The following APOO variants were observed in gnomAD, a reference collection of about 807,000 sequenced individuals.
The protein encoded by APOO is MICOS complex subunit MIC26.
APOO carries 11 observed loss-of-function variants against 23.1 expected under a neutral mutation model. That is an observed-to-expected ratio of 0.48 (90% CI 0.30 to 0.79). The LOEUF (loss-of-function observed/expected upper bound fraction) is 0.79, where lower values mean the gene tolerates loss of function less well. APOO is among the 30% of genes least tolerant of loss of function. The pLI, the probability that APOO is intolerant of heterozygous loss-of-function variation, is 0.07. For missense variants in APOO, 160 were observed against 142.7 expected (o/e 1.12, Z -0.62); for synonymous variants, 59 against 54.8 (o/e 1.08, Z -0.34).
At chrX:23,840,153 TA>T (rs1244783895) in intron 8 of APOO, 159 bp downstream of exon 8, 2 of 331,051 alleles carry the variant, frequency 6.0e-6, no homozygotes, top group Non-Finnish European at 1.0e-5. Context: ...CACAAATAAG[TA>T]AGTCACAGCA....
chrX:23,900,690 A>G (rs1004160130), intron 1 of APOO, among the ~76,000 whole-genome samples: 1 of 108,669 alleles, frequency 9.2e-6, no homozygotes, highest in Non-Finnish European at 1.9e-5. Context: ...AAAAAAAAAA[A>G]AAAAAGAAAT....
At chrX:23,883,805 C>T (rs899460809) in intron 1 of APOO, 5 of 112,026 alleles carry the variant, frequency 4.5e-5, no homozygotes, top group Non-Finnish European at 9.4e-5. Context: ...CTCCCCACGA[C>T]CTGCCCATCT....
chrX:23,885,713 C>G (rs1421143723), intron 1 of APOO, among the ~76,000 whole-genome samples: 2 of 110,463 alleles, frequency 1.8e-5, no homozygotes, highest in East Asian at 5.7e-4. Context: ...AAACTGTTTT[C>G]TTCTTCTTCC....
At chrX:23,869,645 A>AG (rs1925510424) in intron 4 of APOO, among the ~76,000 whole-genome samples, 1 of 103,262 alleles carries the variant, frequency 9.7e-6, no homozygotes, top group African/African-American at 3.5e-5. Flanking sequence ...AAAAAGAAAA[A>AG]AAAAAAAAAA....
rs1418361415 is a variant in APOO at position 23,907,867 on chromosome X, C to T, written c.-165G>A. 3.7e-6 allele frequency: 2 copies of T among 540,204 alleles called. No individual in the cohort carries two copies. The highest frequency in any genetic ancestry group is 9.9e-5 in the South Asian group (2 of 20,154). The allele number at this position is 540,204 out of a possible 1,213,427, so 44.5% of individuals were successfully genotyped here. A position where few individuals can be genotyped will look rare whatever the true frequency, so the allele number is the denominator to read the frequency against. On this transcript the variant is annotated 5_prime_UTR_variant, in exon 1 of 9. Coordinates refer to ENST00000379226, the MANE Select transcript of APOO (RefSeq NM_024122.5). The stretch of plus-strand genomic sequence containing the variant: ...AACTCGGTGCGGCGAAGGTTTAGTT[C>T]AATCACCCGGTTCTAGAAGCCGCGT...
intron 7 of APOO, among the ~76,000 whole-genome samples, chrX:23,841,415 G>C (rs1175684176): frequency 9.4e-6 from 1 of 106,456 alleles, no homozygotes; most frequent in Non-Finnish European, 1.9e-5. Flanking sequence ...AGCACTTTGG[G>C]AGGCCGAGGC....
At chrX:23,851,984 C>A (rs1224399119) in intron 7 of APOO, among the ~76,000 whole-genome samples, 1 of 111,916 alleles carries the variant, frequency 8.9e-6, no homozygotes, top group African/African-American at 3.2e-5. Flanking sequence ...AGTGCAGTGG[C>A]ACGATCTCAG....
chrX:23,900,213 A>T (rs1204387484), intron 1 of APOO, among the ~76,000 whole-genome samples: 5 of 112,443 alleles, frequency 4.4e-5, no homozygotes, highest in Non-Finnish European at 9.4e-5. Flanking sequence ...TCAGTGGACA[A>T]ATGTGATACA....
Position 23,842,252 on chromosome X carries a change from G to A in APOO, c.562-1875C>T, listed in dbSNP as rs776531406. Among the ~76,000 whole-genome samples, 3 of 111,153 alleles carry A rather than the reference G, an allele frequency of 2.7e-5. No individual in the cohort carries two copies. The Admixed American group carries it at 2.9e-4, about 11-fold the overall frequency. On this transcript the variant is annotated intron_variant, in intron 7 of 8. Coordinates refer to ENST00000379226, the MANE Select transcript of APOO (RefSeq NM_024122.5). ...AAAAATACAAAAATTAGCCAGGTGG[G>A]ATGACACATGCCTGTGGTCCCACCT... is the stretch of plus-strand genomic sequence containing the variant.
chrX:23,878,926 T>C lies in APOO; in HGVS notation c.226A>G (p.Thr76Ala). Residue 76 changes from threonine to alanine, a missense_variant, in exon 3 of 9, where the codon ACC becomes GCC. Physicochemically the swap from Thr to Ala is moderately conservative, Grantham distance 58 (BLOSUM62 0). Coordinates refer to ENST00000379226, the MANE Select transcript of APOO (RefSeq NM_024122.5). ...QLRHYCEPYT[T>A]WCQETYSQTK... ...CAGAACAGTTGTACCTGACACCAGG[T>C]TGTGTATGGCTCGCAATAGTGTCGG... The C allele has an allele frequency of 8.3e-7, 1 of 1,210,360 alleles. No homozygotes were observed. Among genetic ancestry groups the C allele is most frequent in the Non-Finnish European group, 1.1e-6 (1 of 894,683 alleles).
chrX:23,836,537 ACTC>A (rs1426335563), intron 8 of APOO, among the ~76,000 whole-genome samples: 1 of 107,238 alleles, frequency 9.3e-6, no homozygotes, highest in Non-Finnish European at 1.9e-5. Flanking sequence ...CTAGTCTCAA[ACTC>A]CTAACCTCAT....
intron 7 of APOO, among the ~76,000 whole-genome samples, chrX:23,851,584 T>C (rs1924542138): frequency 8.9e-6 from 1 of 112,805 alleles, no homozygotes; most frequent in Admixed American, 9.5e-5. Context: ...TTATATATTC[T>C]TGTAACTTAA....
chrX:23,865,772 C>T (rs1925308741), intron 5 of APOO, among the ~76,000 whole-genome samples: 1 of 111,055 alleles, frequency 9.0e-6, no homozygotes, highest in Non-Finnish European at 1.9e-5. Flanking sequence ...TGATGCTGCT[C>T]ACCTCAGGTC....
chrX:23,847,939 G>A (rs1483246172), intron 7 of APOO, among the ~76,000 whole-genome samples: 2 of 106,876 alleles, frequency 1.9e-5, no homozygotes, highest in Non-Finnish European at 3.9e-5. Context: ...TACAACGGCG[G>A]GATCTTGGCT....
chrX:23,907,831 G>A lies in APOO; in HGVS notation c.-129C>T. The A allele has an allele frequency of 1.3e-6, 1 of 750,573 alleles. No homozygotes were observed. The highest frequency in any genetic ancestry group is 1.8e-6 in the Non-Finnish European group (1 of 542,926). 61.9% of individuals were successfully genotyped at this position (750,573 alleles called of 1,213,427 possible). A position where few individuals can be genotyped will look rare whatever the true frequency, so the allele number is the denominator to read the frequency against. ...CAAGCAGGCAGCGGTGCGGGTGACG[G>A]CCGTACTGCAAACTCGGTGCGGCGA... On this transcript the variant is annotated 5_prime_UTR_variant, in exon 1 of 9. Transcript: ENST00000379226.
chrX:23,840,438 T>C (rs1923916456), intron 7 of APOO, 61 bp from the exon 8 acceptor site: 1 of 1,022,220 alleles, frequency 9.8e-7, no homozygotes, highest in African/African-American at 1.9e-5. Flanking sequence ...AACTCCTTAG[T>C]GTCCTGAGTA....
intron 4 of APOO, among the ~76,000 whole-genome samples, chrX:23,872,958 G>A (rs1966728221): frequency 9.0e-6 from 1 of 110,552 alleles, no homozygotes; most frequent in Non-Finnish European, 1.9e-5. Context: ...GGCTGAGACA[G>A]GAGAATTGCT....
intron 7 of APOO, among the ~76,000 whole-genome samples, chrX:23,848,106 C>T (rs1226161741): frequency 9.2e-6 from 1 of 108,200 alleles, no homozygotes; most frequent in Non-Finnish European, 1.9e-5. Context: ...ATCTCCTGAC[C>T]TCGTGATCCG....
Position 23,833,586 on chromosome X carries a change from T to C in APOO, c.*56A>G, listed in dbSNP as rs1477817418. The C allele has an allele frequency of 1.8e-5, 2 of 112,461 alleles. No individual in the cohort carries two copies. Among genetic ancestry groups the C allele is most frequent in the Non-Finnish European group, 3.8e-5 (2 of 53,291 alleles). 9.3% of individuals were successfully genotyped at this position (112,461 alleles called of 1,213,427 possible). A position where few individuals can be genotyped will look rare whatever the true frequency, so the allele number is the denominator to read the frequency against. On this transcript the variant is annotated 3_prime_UTR_variant, in exon 9 of 9. Coordinates refer to ENST00000379226, the MANE Select transcript of APOO (RefSeq NM_024122.5). ...TTTCTGTAGAAATACTGATTTATTC[T>C]ATGGAGTTTCCAATGTTTACCTATA...
Sources: gnomAD v4.1 joint callset for allele counts (sites outside exome capture counted in the v4.1 genomes callset) on GRCh38, gnomAD v4.1.1 for gene constraint, MANE v1.5 for transcripts, NCBI Gene and HGNC (gene_info 2026-07-23, HGNC 2026-07-21) for gene names.